The following XIRP1 variants were observed in gnomAD, a reference collection of about 807,000 sequenced individuals.
XIRP1 encodes xin actin binding repeat containing 1.
For synonymous variants in XIRP1, 984 were observed against 947.0 expected (o/e 1.04, Z -0.72); for missense variants, 2,378 against 2,345.4 (o/e 1.01, Z -0.29).
Position 39,186,038 on chromosome 3 carries a change from C to T in XIRP1, c.3408G>A (p.Val1136=). Residue 1136 remains valine, a synonymous_variant, in exon 2 of 2, where the codon GTG becomes GTA. Transcript: ENST00000340369. ...ALPRGLPGGW[V]TIQDGIYTAH... Reference sequence around the variant, plus strand: ...CGGTGTAGATGCCATCCTGAATTGTCACCCACCCCCCAGGCAGCCCTCTGG... The same window carrying T: ...CGGTGTAGATGCCATCCTGAATTGTTACCCACCCCCCAGGCAGCCCTCTGG... 1 of 1,613,796 alleles carries T rather than the reference C, an allele frequency of 6.2e-7. No homozygotes were observed. The highest frequency in any genetic ancestry group is 8.5e-7 in the Non-Finnish European group (1 of 1,179,894).
At position 39,187,940 on chromosome 3, in the gene XIRP1, C is replaced by T. The variant is rs2125902283; in HGVS notation, c.1506G>A (p.Glu502=). 6.2e-7 allele frequency: 1 copy of T among 1,614,234 alleles called. No individual in the cohort carries two copies. The highest frequency in any genetic ancestry group is 1.7e-5 in the Admixed American group (1 of 60,034). ...RLHALTSVSR[E]QIVGGDVQGY... The stretch of plus-strand genomic sequence containing the variant: ...CCTGCACATCACCTCCGACTATCTG[C>T]TCTCTGCTAACAGAGGTCAGGGCAT... Residue 502 remains glutamate (E), a synonymous_variant, in exon 2 of 2, where the codon GAG becomes GAA. Transcript: ENST00000340369.
Position 39,184,766 on chromosome 3 carries a change from G to A in XIRP1, c.4680C>T (p.Ser1560=). The A allele has an allele frequency of 6.2e-7, 1 of 1,614,246 alleles. No homozygotes were observed. The highest frequency in any genetic ancestry group is 8.5e-7 in the Non-Finnish European group (1 of 1,180,042). Residue 1560 remains serine, a synonymous_variant, in exon 2 of 2, where the codon TCC becomes TCT. Transcript: ENST00000340369. ...TGGCCTCAGGCTGGAGGCTAGACAT[G>A]GAGCTGAGTGCCTTGTGCACAGCCT... ...IEEAVHKALS[S]MSSLQPEASA...
chr3:39,183,946 ACAC>A lies in XIRP1; in HGVS notation c.5497_5499del (p.Val1833del). The A allele has an allele frequency of 6.2e-7, 1 of 1,611,542 alleles. No individual in the cohort carries two copies. The highest frequency in any genetic ancestry group is 1.1e-5 in the South Asian group (1 of 90,994). Reference sequence around the variant, plus strand: ...GCAGCTGGCTGGGAGTAGCTGCAGGACACCTGCACCGTCTCAGCTTCTGTCAGG... The same window carrying A: ...GCAGCTGGCTGGGAGTAGCTGCAGGACTGCACCGTCTCAGCTTCTGTCAGG... On this transcript the variant is annotated inframe_deletion, in exon 2 of 2. Transcript: ENST00000340369.
Position 39,185,181 on chromosome 3 carries a change from C to G in XIRP1, c.4265G>C (p.Ser1422Thr). 1 of 1,611,982 alleles carries G rather than the reference C, an allele frequency of 6.2e-7. No individual in the cohort carries two copies. The highest frequency in any genetic ancestry group is 8.5e-7 in the Non-Finnish European group (1 of 1,178,748). ...KNQATGSNAQ[S>T]SEPPKLNALN... ...GGCATTGAGCTTGGGGGGCTCAGAG[C>G]TCTGGGCATTGCTGCCTGTAGCCTG... The change falls in exon 2 of 2, where the codon AGC becomes ACC. Residue 1422 changes from serine (S) to threonine (T), a missense_variant. Transcript: ENST00000340369.
Position 39,183,890 on chromosome 3 carries a change from AG to A in XIRP1, c.*23del. On this transcript the variant is annotated 3_prime_UTR_variant, in exon 2 of 2. Coordinates refer to ENST00000340369, the MANE Select transcript of XIRP1 (RefSeq NM_194293.4). ...GCAGTGGAGGCCAGGAACAGGTGGCAGGTGTGGTGGGAGGCGGTGGGCCTCA... is the reference window on the plus strand; with the variant it reads ...GCAGTGGAGGCCAGGAACAGGTGGCAGTGTGGTGGGAGGCGGTGGGCCTCA... The A allele has an allele frequency of 6.3e-7, 1 of 1,599,472 alleles. No individual in the cohort carries two copies. The highest frequency in any genetic ancestry group is 1.3e-5 in the African/African-American group (1 of 74,878).
chr3:39,185,455 C>T lies in XIRP1; in HGVS notation c.3991G>A (p.Ala1331Thr), dbSNP rs2039949596. 1 of 1,598,920 alleles carries T rather than the reference C, an allele frequency of 6.3e-7. No homozygotes were observed. The change falls in exon 2 of 2, where the codon GCA becomes ACA. Residue 1331 changes from alanine (A) to threonine (T), a missense_variant. Coordinates refer to ENST00000340369, the MANE Select transcript of XIRP1 (RefSeq NM_194293.4). ...KKKPQLPPKP[A>T]HLTQSHPPQR... ...GGAGGGTGGCTCTGGGTTAGGTGTGCAGGTTTAGGGGGCAGCTGCGGCTTC... is the reference window on the plus strand; with the variant it reads ...GGAGGGTGGCTCTGGGTTAGGTGTGTAGGTTTAGGGGGCAGCTGCGGCTTC...
intron 1 of XIRP1, among the ~76,000 whole-genome samples, chr3:39,190,907 C>G (rs2040077603): frequency 6.6e-6 from 1 of 152,190 alleles, no homozygotes; most frequent in African/African-American, 2.4e-5. Flanking sequence ...ACCCTCAGTA[C>G]CCTTGGCTCA....
rs1309382826 is a variant in XIRP1, at chr3:39,187,211, G to T, written c.2235C>A (p.Ile745=). 1.3e-6 allele frequency: 2 copies of T among 1,592,180 alleles called. No homozygotes were observed. Among genetic ancestry groups the T allele is most frequent in the Middle Eastern group, 3.4e-4 (2 of 5,968 alleles). The change falls in exon 2 of 2, where the codon ATC becomes ATA. Residue 745 remains isoleucine (I), a synonymous_variant. Transcript: ENST00000340369. ...CPMGSLAAES[I]QGGNLLEEQP... is the part of the protein sequence containing the mutation. ...GCTCTTCCAGGAGGTTGCCCCCTTG[G>T]ATGCTCTCAGCTGCCAGGGAGCCCA...
chr3:39,187,381 G>A lies in XIRP1; in HGVS notation c.2065C>T (p.Pro689Ser), dbSNP rs201886799. 5.6e-6 allele frequency: 9 copies of A among 1,614,012 alleles called. No homozygotes were observed. In the Admixed American group the frequency reaches 6.7e-5, roughly 12 times the overall value. The change falls in exon 2 of 2, where the codon CCT (proline) becomes TCT (serine). Residue 689 changes from proline (P) to serine (S), a missense_variant. By Grantham distance (74) the Pro-to-Ser change is moderately conservative. Transcript: ENST00000340369. ...PVRYCSRVEI[P>S]SGQVSRQKEV... The stretch of plus-strand genomic sequence containing the variant: ...TTCTGACGAGACACCTGCCCTGAAG[G>A]GATCTCCACGCGGCTGCAGTATCTC...
In XIRP1 at chr3:39,184,732, C is replaced by T. The variant is rs1317492833; in HGVS notation, c.4714G>A (p.Gly1572Ser). ...TCTTTTGGAGGTCCCTGGAAATGGC[C>T]TCTGGCACTGGCCTCAGGCTGGAGG... ...SSLQPEASAR[G>S]HFQGPPKDHS... is the part of the protein sequence containing the mutation. Residue 1572 changes from glycine to serine, a missense_variant, in exon 2 of 2, where the codon GGC becomes AGC. Coordinates refer to ENST00000340369, the MANE Select transcript of XIRP1 (RefSeq NM_194293.4). The T allele has an allele frequency of 5.6e-6, 9 of 1,614,120 alleles. No homozygotes were observed. The highest frequency in any genetic ancestry group is 1.6e-4 in the Middle Eastern group (1 of 6,084).
rs1175756825 is a variant in XIRP1 at position 39,184,004 on chromosome 3, G to A, written c.5442C>T (p.Phe1814=). ...GLHASPLLRQ[F]LHSPAGFSSD... is the part of the protein sequence containing the mutation. ...TGCTGAACCCAGCTGGGCTGTGCAGGAACTGCCTCAGCAAGGGGGAGGCGT... is the reference window on the plus strand; with the variant it reads ...TGCTGAACCCAGCTGGGCTGTGCAGAAACTGCCTCAGCAAGGGGGAGGCGT... The change falls in exon 2 of 2, where the codon TTC becomes TTT. Residue 1814 remains phenylalanine, a synonymous_variant. Coordinates refer to ENST00000340369, the MANE Select transcript of XIRP1 (RefSeq NM_194293.4). 1 of 1,613,008 alleles carries A rather than the reference G, an allele frequency of 6.2e-7. No homozygotes were observed. The highest frequency in any genetic ancestry group is 1.3e-5 in the African/African-American group (1 of 75,022).
chr3:39,187,638 A>G lies in XIRP1; in HGVS notation c.1808T>C (p.Met603Thr). Reference sequence around the variant, plus strand: ...CCCCTGCTTTTCGGCCAACTCACTCATTGGGCAAGTCTCGAACAACCACCG... The same window carrying G: ...CCCCTGCTTTTCGGCCAACTCACTCGTTGGGCAAGTCTCGAACAACCACCG... ...TIRWLFETCP[M>T]SELAEKQGSE... The change falls in exon 2 of 2, where the codon ATG becomes ACG. Residue 603 changes from methionine to threonine, a missense_variant. Coordinates refer to ENST00000340369, the MANE Select transcript of XIRP1 (RefSeq NM_194293.4). 6.2e-7 allele frequency: 1 copy of G among 1,613,982 alleles called. No homozygotes were observed. Among genetic ancestry groups the G allele is most frequent in the East Asian group, 2.2e-5 (1 of 44,864 alleles).
At position 39,185,146 on chromosome 3, in the gene XIRP1, C is replaced by A; in HGVS notation, c.4300G>T (p.Asp1434Tyr). 1.3e-6 allele frequency: 2 copies of A among 1,594,410 alleles called. No individual in the cohort carries two copies. Among genetic ancestry groups the A allele is most frequent in the South Asian group, 1.1e-5 (1 of 88,230 alleles). Residue 1434 changes from aspartate (D) to tyrosine (Y), a missense_variant, in exon 2 of 2, where the codon GAT (aspartate) becomes TAT (tyrosine). By Grantham distance (160) the Asp-to-Tyr change is radical (BLOSUM62 -3). Transcript: ENST00000340369. ...EPPKLNALNH[D>Y]PTSPQWGPGP... ...GGGCCCCACTGTGGTGAGGTGGGAT[C>A]ATGGTTGAGGGCATTGAGCTTGGGG...
Position 39,184,286 on chromosome 3 carries a change from C to T in XIRP1, c.5160G>A (p.Gly1720=), listed in dbSNP as rs2039921032. 6.2e-7 allele frequency: 1 copy of T among 1,614,194 alleles called. No individual in the cohort carries two copies. Among genetic ancestry groups the T allele is most frequent in the Middle Eastern group, 1.6e-4 (1 of 6,062 alleles). Residue 1720 remains glycine (G), a synonymous_variant, in exon 2 of 2, where the codon GGG becomes GGA. Coordinates refer to ENST00000340369, the MANE Select transcript of XIRP1 (RefSeq NM_194293.4). ...LHQKGVQDKT[G]KKDITQCSVQ... is the part of the protein sequence containing the mutation. ...CAGAGCACTGGGTGATGTCCTTCTTCCCAGTTTTGTCTTGGACACCTTTCT... is the reference window on the plus strand; with the variant it reads ...CAGAGCACTGGGTGATGTCCTTCTTTCCAGTTTTGTCTTGGACACCTTTCT...
rs769379912 is a variant in XIRP1, at chr3:39,188,077, C to T, written c.1369G>A (p.Glu457Lys). 1.2e-6 allele frequency: 2 copies of T among 1,614,240 alleles called. No individual in the cohort carries two copies. Among genetic ancestry groups the T allele is most frequent in the East Asian group, 2.2e-5 (1 of 44,884 alleles). Residue 457 changes from glutamate (E) to lysine (K), a missense_variant, in exon 2 of 2, where the codon GAG (glutamate) becomes AAG (lysine). Coordinates refer to ENST00000340369, the MANE Select transcript of XIRP1 (RefSeq NM_194293.4). ...CTTGGACTCCCATGGGCCAGAACCT[C>T]ACCCTGTCCAATGCTGTCCAAGGGA... Reference protein sequence around the residue: ...TLPLDSIGQGEVLAHGSPSRE... With the variant: ...TLPLDSIGQGKVLAHGSPSRE...
Position 39,183,695 on chromosome 3 carries a change from C to T in XIRP1, c.*219G>A, listed in dbSNP as rs981190798. 2 of 739,432 alleles carry T rather than the reference C, an allele frequency of 2.7e-6. No individual in the cohort carries two copies. 45.8% of individuals were successfully genotyped at this position (739,432 alleles called of 1,614,324 possible). On this transcript the variant is annotated 3_prime_UTR_variant, in exon 2 of 2. Coordinates refer to ENST00000340369, the MANE Select transcript of XIRP1 (RefSeq NM_194293.4). The stretch of plus-strand genomic sequence containing the variant: ...GGGAGCCCCCATCCTACCCCCACGC[C>T]TGTGCAACTCTGTGGGCCTCTTCCA...
chr3:39,188,090 G>T lies in XIRP1; in HGVS notation c.1356C>A (p.Ser452Arg), dbSNP rs1226654921. The T allele has an allele frequency of 6.2e-7, 1 of 1,614,062 alleles. No homozygotes were observed. Among genetic ancestry groups the T allele is most frequent in the Non-Finnish European group, 8.5e-7 (1 of 1,180,038 alleles). Residue 452 changes from serine (S) to arginine (R), a missense_variant, in exon 2 of 2, where the codon AGC becomes AGA. Physicochemically the swap from Ser to Arg is moderately radical, Grantham distance 110. Transcript: ENST00000340369. ...GGGCCAGAACCTCACCCTGTCCAAT[G>T]CTGTCCAAGGGAAGGGTCTCAAAAA... ...KNLFETLPLDSIGQGEVLAHG... is the reference protein window; with the variant it reads ...KNLFETLPLDRIGQGEVLAHG...
intron 1 of XIRP1, 148 bp from the exon 2 acceptor site, chr3:39,189,673 A>G (rs748835252): frequency 1.0e-5 from 6 of 594,340 alleles, no homozygotes; most frequent in Non-Finnish European, 1.4e-5. Flanking sequence ...TGAACTTAGG[A>G]CATGGACCCA....
chr3:39,190,945 C>A lies in XIRP1; in HGVS notation c.-80-1420G>T, dbSNP rs550448294. ...TCATCTCCTTCATTAGCCTGGGCTC[C>A]CCTATCCTGCCTCCTGGGCTGGTGT... On this transcript the variant is annotated intron_variant, in intron 1 of 1. Coordinates refer to ENST00000340369, the MANE Select transcript of XIRP1 (RefSeq NM_194293.4). Among the ~76,000 whole-genome samples, 10 of 152,314 alleles carry A rather than the reference C, an allele frequency of 6.6e-5. No individual in the cohort carries two copies. The East Asian group carries it at 1.9e-3, about 29-fold the overall frequency.
Sources: gnomAD v4.1 joint callset for allele counts (sites outside exome capture counted in the v4.1 genomes callset) on GRCh38, gnomAD v4.1.1 for gene constraint, MANE v1.5 for transcripts, NCBI Gene and HGNC (gene_info 2026-07-23, HGNC 2026-07-21) for gene names.